The following CACNA2D3 variants were observed in gnomAD, a reference collection of about 807,000 sequenced individuals.
CACNA2D3 encodes the protein voltage-dependent calcium channel subunit alpha-2/delta-3.
CACNA2D3 carries 60 observed loss-of-function variants against 160.6 expected under a neutral mutation model. The ratio of observed to expected loss-of-function variants is 0.37; its 90% CI spans 0.30 to 0.46. The LOEUF (loss-of-function observed/expected upper bound fraction) is 0.46, where lower values mean the gene tolerates loss of function less well. Ranked by LOEUF, CACNA2D3 falls within the 20% of genes least tolerant of loss-of-function variation. The pLI, the probability that CACNA2D3 is intolerant of heterozygous loss-of-function variation, is 1.00. For synonymous variants in CACNA2D3, 558 were observed against 492.9 expected (o/e 1.13, Z -1.75); for missense variants, 1,205 against 1,365.0 (o/e 0.88, Z 1.85).
At chr3:54,787,838 C>A (rs1261836603) in intron 13 of CACNA2D3, among the ~76,000 whole-genome samples, 1 of 152,122 alleles carries the variant, frequency 6.6e-6, no homozygotes, top group African/African-American at 2.4e-5. Flanking sequence ...CAAACCTTCA[C>A]AACAGGAAAT....
At chr3:54,469,670 C>G (rs1700693568) in intron 4 of CACNA2D3, among the ~76,000 whole-genome samples, 1 of 151,968 alleles carries the variant, frequency 6.6e-6, no homozygotes, top group Admixed American at 6.6e-5. Context: ...TACAAGGAAG[C>G]TAAGACCCTT....
intron 4 of CACNA2D3, among the ~76,000 whole-genome samples, chr3:54,417,156 T>A (rs1352753952): frequency 6.6e-6 from 1 of 152,228 alleles, no homozygotes; most frequent in Non-Finnish European, 1.5e-5. Flanking sequence ...ACTTCTAACG[T>A]TATCATCTTG....
chr3:54,536,845 C>T (rs952484564), intron 5 of CACNA2D3, among the ~76,000 whole-genome samples: 2 of 152,216 alleles, frequency 1.3e-5, no homozygotes, highest in Non-Finnish European at 2.9e-5. Flanking sequence ...AGCTGCCATG[C>T]ATCAAGTGTT....
chr3:54,414,065 G>A (rs1417719168), intron 4 of CACNA2D3, among the ~76,000 whole-genome samples: 2 of 151,686 alleles, frequency 1.3e-5, no homozygotes, highest in Admixed American at 6.6e-5. Context: ...CTAAGAAATA[G>A]TATAGTTTAA....
In CACNA2D3 at chr3:54,569,829, T is replaced by G. The variant is rs1702465542; in HGVS notation, c.711T>G (p.Ile237Met). 8 of 1,606,744 alleles carry G rather than the reference T, an allele frequency of 5.0e-6. No homozygotes were observed. Among genetic ancestry groups the G allele is most frequent in the Non-Finnish European group, 6.8e-6 (8 of 1,176,266 alleles). ...GGGAACCAGATGAGAATGGAGTCAT[T>G]GCCTTCGACTGCAGGAACCGAAAAT... is the stretch of plus-strand genomic sequence containing the variant. ...IKWEPDENGV[I>M]AFDCRNRKWY... is the part of the protein sequence containing the mutation. The change falls in exon 7 of 38, where the codon ATT becomes ATG. Residue 237 changes from isoleucine (I) to methionine (M), a missense_variant. This residue lies in a region of CACNA2D3 where 131 missense variants were observed against 201.5 expected (regional missense o/e 0.65). Transcript: ENST00000474759.
At chr3:54,179,475 G>A (rs1025720117) in intron 2 of CACNA2D3, among the ~76,000 whole-genome samples, 1 of 152,200 alleles carries the variant, frequency 6.6e-6, no homozygotes, top group Non-Finnish European at 1.5e-5. Context: ...TAAGGCAGCT[G>A]TCTACGCCCT....
chr3:54,880,585 C>A (rs1324355207), intron 20 of CACNA2D3, among the ~76,000 whole-genome samples: 1 of 152,150 alleles, frequency 6.6e-6, no homozygotes, highest in African/African-American at 2.4e-5. Context: ...GCTGGCATTT[C>A]TGATCAGAAG....
chr3:54,801,318 T>G (rs973099891), intron 13 of CACNA2D3, among the ~76,000 whole-genome samples: 1 of 152,078 alleles, frequency 6.6e-6, no homozygotes, highest in Non-Finnish European at 1.5e-5. Flanking sequence ...AGGTGTTGGC[T>G]TGGCGGGGGT....
intron 2 of CACNA2D3, among the ~76,000 whole-genome samples, chr3:54,164,523 ATC>A (rs1700413701): frequency 1.3e-5 from 2 of 152,054 alleles, no homozygotes; most frequent in Non-Finnish European, 2.9e-5. Context: ...TATCTTACTT[ATC>A]TCTGGTCTTT....
intron 14 of CACNA2D3, among the ~76,000 whole-genome samples, chr3:54,824,141 C>T (rs1703699419): frequency 1.3e-5 from 2 of 152,178 alleles, no homozygotes; most frequent in African/African-American, 4.8e-5. Flanking sequence ...GGTTTATAAA[C>T]AGTGGGTTGT....
intron 3 of CACNA2D3, among the ~76,000 whole-genome samples, chr3:54,330,699 T>C (rs903225355): frequency 3.3e-5 from 5 of 152,304 alleles, no homozygotes; most frequent in African/African-American, 7.2e-5. Context: ...GTCAGACTCA[T>C]AGGGGAGCAG....
chr3:54,435,033 T>A (rs1282608423), intron 4 of CACNA2D3, among the ~76,000 whole-genome samples: 1 of 152,150 alleles, frequency 6.6e-6, no homozygotes, highest in East Asian at 1.9e-4. Context: ...GGCCTATGGC[T>A]GACATTAATC....
intron 33 of CACNA2D3, among the ~76,000 whole-genome samples, chr3:55,008,415 C>T (rs998983204): frequency 2.6e-5 from 4 of 152,088 alleles, no homozygotes; most frequent in African/African-American, 7.2e-5. Flanking sequence ...ACAGAAACAC[C>T]GTGTCACACA....
intron 16 of CACNA2D3, among the ~76,000 whole-genome samples, chr3:54,840,671 AGT>A (rs1698799292): frequency 6.7e-6 from 1 of 149,278 alleles, no homozygotes. Context: ...AGCCTCCCAA[AGT>A]GCTGGGATTA....
chr3:54,205,212 A>T (rs765920594), intron 2 of CACNA2D3, among the ~76,000 whole-genome samples: 4 of 152,190 alleles, frequency 2.6e-5, no homozygotes, highest in Non-Finnish European at 5.9e-5. Flanking sequence ...AACAGATGGA[A>T]TGTCAAGATG....
chr3:54,456,249 C>T (rs1341112568), intron 4 of CACNA2D3, among the ~76,000 whole-genome samples: 1 of 151,764 alleles, frequency 6.6e-6, no homozygotes. Flanking sequence ...TGTTCATAGA[C>T]TTCCTTGTAG....
chr3:54,518,347 G>T (rs6445680), intron 5 of CACNA2D3, among the ~76,000 whole-genome samples: 92,319 of 151,474 alleles, frequency 0.61, 28,411 homozygotes, highest in Non-Finnish European at 0.65. Context: ...GGTAGAGAGA[G>T]GGTAGGGGAA....
chr3:54,692,921 T>G (rs750860197), intron 11 of CACNA2D3, among the ~76,000 whole-genome samples: 2 of 152,186 alleles, frequency 1.3e-5, no homozygotes, highest in Admixed American at 6.5e-5. Context: ...AGCCATTTAG[T>G]TTTTGCTTCC....
rs374033621 is a variant in CACNA2D3, at chr3:54,704,612, G to C, written c.1168-47987G>C. Among the ~76,000 whole-genome samples the C allele has an allele frequency of 1.6e-4, 24 of 152,198 alleles. 2 individuals carry two copies. The South Asian group carries it at 4.1e-3, about 26-fold the overall frequency. On this transcript the variant is annotated intron_variant, in intron 11 of 37. Coordinates refer to ENST00000474759, the MANE Select transcript of CACNA2D3 (RefSeq NM_018398.3). ...GAACAGTCTTCCTGATCACTCAGACGTTGGTGATAGGAACAGCACAGCTGT... is the reference window on the plus strand; with the variant it reads ...GAACAGTCTTCCTGATCACTCAGACCTTGGTGATAGGAACAGCACAGCTGT...
Sources: gnomAD v4.1 joint callset for allele counts (sites outside exome capture counted in the v4.1 genomes callset) on GRCh38, gnomAD v4.1.1 for gene constraint, gnomAD v4.1.1 regional missense constraint, MANE v1.5 for transcripts, NCBI Gene and HGNC (gene_info 2026-07-23, HGNC 2026-07-21) for gene names.